Variants in SNTB1 observed in about 807,000 individuals in gnomAD.
SNTB1 encodes the protein beta-1-syntrophin.
SNTB1 carries 36 observed loss-of-function variants against 48.9 expected under a neutral mutation model. That is an observed-to-expected ratio of 0.74 (90% CI 0.56 to 0.97). The LOEUF is 0.97. Among genes scored for constraint, SNTB1 ranks in the 50% least tolerant of loss-of-function variants. The pLI, the probability that SNTB1 is intolerant of heterozygous loss-of-function variation, is 0.00. For synonymous variants in SNTB1, 299 were observed against 294.6 expected (o/e 1.01, Z -0.15); for missense variants, 786 against 703.4 (o/e 1.12, Z -1.33).
intron 4 of SNTB1, among the ~76,000 whole-genome samples, chr8:120,555,124 G>T (rs1323627445): frequency 6.6e-6 from 1 of 152,222 alleles, no homozygotes; most frequent in Non-Finnish European, 1.5e-5. Context: ...AAATGGTGAA[G>T]TGGCTACCTT....
At chr8:120,609,817 A>T (rs1816591657) in intron 3 of SNTB1, among the ~76,000 whole-genome samples, 1 of 152,232 alleles carries the variant, frequency 6.6e-6, no homozygotes, top group Non-Finnish European at 1.5e-5. Context: ...GTATTCCAGC[A>T]GTGTTGGCCA....
chr8:120,653,898 G>A (rs1199999928), intron 2 of SNTB1, among the ~76,000 whole-genome samples: 2 of 151,306 alleles, frequency 1.3e-5, no homozygotes, highest in Non-Finnish European at 3.0e-5. Flanking sequence ...AATTAGCCGG[G>A]CATTGTGGTG....
chr8:120,616,945 G>T (rs1276655067), intron 3 of SNTB1, among the ~76,000 whole-genome samples: 2 of 152,194 alleles, frequency 1.3e-5, no homozygotes, highest in Non-Finnish European at 2.9e-5. Context: ...CAGCAGCCTG[G>T]TGCACAGGCA....
chr8:120,614,302 A>G (rs1377772183), intron 3 of SNTB1, among the ~76,000 whole-genome samples: 1 of 152,196 alleles, frequency 6.6e-6, no homozygotes, highest in African/African-American at 2.4e-5. Flanking sequence ...GTGTATAATC[A>G]ATTTTCATGA....
chr8:120,771,316 CT>C (rs1819623953), intron 1 of SNTB1, among the ~76,000 whole-genome samples: 1 of 152,192 alleles, frequency 6.6e-6, no homozygotes, highest in South Asian at 2.1e-4. Flanking sequence ...GGTGTGTTCT[CT>C]TTTCATTTCT....
At chr8:120,761,427 GCA>G (rs923575498) in intron 1 of SNTB1, 1 of 152,196 alleles carries the variant, frequency 6.6e-6, no homozygotes, top group African/African-American at 2.4e-5. Context: ...GCAGCTCCGA[GCA>G]TTCAACACTA....
intron 2 of SNTB1, among the ~76,000 whole-genome samples, chr8:120,653,028 T>C (rs1386768026): frequency 6.6e-6 from 1 of 152,158 alleles, no homozygotes; most frequent in East Asian, 1.9e-4. Context: ...TCTAGAACAC[T>C]GATGAGGTGT....
chr8:120,749,139 G>C (rs988619810), intron 1 of SNTB1, among the ~76,000 whole-genome samples: 6 of 152,066 alleles, frequency 3.9e-5, no homozygotes, highest in African/African-American at 1.4e-4. Flanking sequence ...TGAATCAAAG[G>C]AAAGCCTGGA....
chr8:120,591,326 T>C (rs140442463), intron 3 of SNTB1, among the ~76,000 whole-genome samples: 343 of 152,330 alleles, frequency 2.3e-3, no homozygotes, highest in African/African-American at 7.9e-3. Context: ...TTTAGCCTAC[T>C]TCATCCTGCC....
chr8:120,645,306 T>A (rs1206925051), intron 2 of SNTB1, among the ~76,000 whole-genome samples: 2 of 150,778 alleles, frequency 1.3e-5, no homozygotes, highest in Non-Finnish European at 3.0e-5. Flanking sequence ...GGTCTAACGT[T>A]TAAGTCTTTA....
intron 2 of SNTB1, among the ~76,000 whole-genome samples, chr8:120,647,186 G>A (rs1817312586): frequency 7.4e-6 from 1 of 135,572 alleles, no homozygotes; most frequent in Admixed American, 7.5e-5. Context: ...TCTGATTTTA[G>A]TTATTTCTTG....
intron 1 of SNTB1, among the ~76,000 whole-genome samples, chr8:120,735,996 A>G (rs1197061326): frequency 2.6e-5 from 4 of 152,140 alleles, no homozygotes; most frequent in Non-Finnish European, 4.4e-5. Flanking sequence ...TTTCTAAAGG[A>G]AAGAGGTTTA....
rs1350818078 is a variant in SNTB1, at chr8:120,613,723, C to T, written c.996+18721G>A. On this transcript the variant is annotated intron_variant, in intron 3 of 6. Coordinates refer to ENST00000517992, the MANE Select transcript of SNTB1 (RefSeq NM_021021.4). ...ATAAAATGTAGAATTACCATGTATC[C>T]GGTAGTGGTTATTAATCTTTGTTGG... 3.9e-5 allele frequency among the ~76,000 whole-genome samples: 6 copies of T among 152,048 alleles called. No homozygotes were observed. The East Asian group carries it at 5.8e-4, about 15-fold the overall frequency.
At chr8:120,785,474 C>A (rs747636934) in intron 1 of SNTB1, among the ~76,000 whole-genome samples, 6 of 152,164 alleles carry the variant, frequency 3.9e-5, no homozygotes, top group Admixed American at 2.0e-4. Context: ...CTCCCCGATC[C>A]CCACGCAGAT....
intron 2 of SNTB1, among the ~76,000 whole-genome samples, chr8:120,648,495 C>A (rs1198035757): frequency 1.3e-5 from 2 of 151,738 alleles, no homozygotes; most frequent in Non-Finnish European, 2.9e-5. Context: ...AATATTGGCC[C>A]CCACTCTCTT....
intron 1 of SNTB1, among the ~76,000 whole-genome samples, chr8:120,720,959 C>T (rs1818649854): frequency 6.6e-6 from 1 of 152,212 alleles, no homozygotes; most frequent in African/African-American, 2.4e-5. Context: ...AAACTCAACT[C>T]AGGCATGAGA....
intron 5 of SNTB1, among the ~76,000 whole-genome samples, chr8:120,543,416 T>C (rs544010954): frequency 1.7e-4 from 26 of 152,262 alleles, no homozygotes; most frequent in Non-Finnish European, 2.6e-4. Context: ...CTGTACATCA[T>C]CATTTACTCC....
At chr8:120,581,497 G>A (rs952614487) in intron 3 of SNTB1, among the ~76,000 whole-genome samples, 11 of 152,140 alleles carry the variant, frequency 7.2e-5, no homozygotes, top group Middle Eastern at 3.4e-3. Context: ...CCAGCTACTC[G>A]GGAGGCTGAG....
chr8:120,696,982 C>T (rs1257246846), intron 1 of SNTB1, among the ~76,000 whole-genome samples: 2 of 152,138 alleles, frequency 1.3e-5, no homozygotes, highest in African/African-American at 2.4e-5. Context: ...GAGAGAACTC[C>T]TGGAAGGTGA....
Sources: allele counts gnomAD v4.1 joint callset (sites outside exome capture counted in the v4.1 genomes callset), GRCh38; gene constraint gnomAD v4.1.1; transcripts MANE v1.5; gene names NCBI Gene and HGNC (gene_info 2026-07-23, HGNC 2026-07-21).